PPP1R10: variants seen among roughly 807,000 people sequenced by gnomAD.
PPP1R10 encodes the protein serine/threonine-protein phosphatase 1 regulatory subunit 10.
In PPP1R10, 15 loss-of-function variants were observed where a neutral mutation model predicts 99.0. That is an observed-to-expected ratio of 0.15 (90% CI 0.10 to 0.23). The LOEUF is 0.23. PPP1R10 is among the 10% of genes least tolerant of loss of function. The pLI, the probability that PPP1R10 is intolerant of heterozygous loss-of-function variation, is 1.00. For synonymous variants in PPP1R10, 430 were observed against 449.5 expected (o/e 0.96, Z 0.55); for missense variants, 947 against 1,259.4 (o/e 0.75, Z 3.75).
chr6:30,606,257 C>A lies in PPP1R10; in HGVS notation c.635-14G>T, dbSNP rs1000765872. 2 of 1,612,756 alleles carry A rather than the reference C, an allele frequency of 1.2e-6. No homozygotes were observed. The highest frequency in any genetic ancestry group is 2.7e-5 in the African/African-American group (2 of 74,898). Reference sequence around the variant, plus strand: ...CCAGCTCTAGTCCTGGGGAAAGAAGCACGGTGTGGGCAGCTGAACTCAAAC... The same window carrying A: ...CCAGCTCTAGTCCTGGGGAAAGAAGAACGGTGTGGGCAGCTGAACTCAAAC... On this transcript the variant is annotated splice_polypyrimidine_tract_variant and intron_variant, in intron 8 of 19. Coordinates refer to ENST00000376511, the MANE Select transcript of PPP1R10 (RefSeq NM_002714.4). The surrounding 1 kb of genome is among the most constrained non-coding windows in gnomAD (Gnocchi z 6.3).
In PPP1R10 at chr6:30,601,444, T is replaced by C. The variant is rs369182442; in HGVS notation, c.*105A>G. ...GGGAACTGAGGGGGCCGGCTCCTCA[T>C]CAGCTGGGGAAAAGGGAAAATGGGC... On this transcript the variant is annotated 3_prime_UTR_variant, in exon 20 of 20. Transcript: ENST00000376511. The C allele has an allele frequency of 3.1e-6, 3 of 964,796 alleles. No homozygotes were observed. Among genetic ancestry groups the C allele is most frequent in the Admixed American group, 2.4e-5 (1 of 41,932 alleles). The allele number at this position is 964,796 out of a possible 1,614,324, so 59.8% of individuals were successfully genotyped here.
At position 30,604,447 on chromosome 6, in the gene PPP1R10, C is replaced by T; in HGVS notation, c.1167G>A (p.Leu389=). Residue 389 remains leucine (L), a synonymous_variant, in exon 13 of 20, where the codon CTG becomes CTA. Transcript: ENST00000376511. The surrounding 1 kb of genome is among the most constrained non-coding windows in gnomAD (Gnocchi z 7.3). ...TTTTCCTCTTCCTGCCTTTCCGGGT[C>T]AGTTGGTTAGGATCTCCAGGACTCT... The part of the protein sequence containing the change: ...PVESPGDPNQ[L]TRKGRKRKSV... 6.2e-7 allele frequency: 1 copy of T among 1,613,218 alleles called. No homozygotes were observed. The highest frequency in any genetic ancestry group is 8.5e-7 in the Non-Finnish European group (1 of 1,180,028).
At chr6:30,612,491 A>G (rs1804658540) in intron 2 of PPP1R10, among the ~76,000 whole-genome samples, 1 of 152,216 alleles carries the variant, frequency 6.6e-6, no homozygotes, top group Non-Finnish European at 1.5e-5. Context: ...CCACATGTAT[A>G]AACAAGAATA....
chr6:30,614,056 G>T lies in PPP1R10; in HGVS notation c.-12+2422C>A, dbSNP rs111970988. Among the ~76,000 whole-genome samples, 115 of 152,138 alleles carry T rather than the reference G, an allele frequency of 7.6e-4. 2 individuals carry two copies. Among genetic ancestry groups the T allele is most frequent in the African/African-American group, 2.3e-3 (97 of 41,480 alleles). ...CTAGAACCTCCACGCTTCAGTGCAG[G>T]ACTTTTAAAAATTAAAATTATATGG... On this transcript the variant is annotated intron_variant, in intron 2 of 19. Transcript: ENST00000376511.
chr6:30,609,202 G>A lies in PPP1R10; in HGVS notation c.108-39C>T, dbSNP rs1804293901. On this transcript the variant is annotated intron_variant, in intron 3 of 19. Coordinates refer to ENST00000376511, the MANE Select transcript of PPP1R10 (RefSeq NM_002714.4). The surrounding 1 kb of genome is among the most constrained non-coding windows in gnomAD (Gnocchi z 4.5). ...GTTAGGGTTAGAAATGAAGCAGCCA[G>A]TATCTCTTCTCTTAGCAAAAGCGCC... The A allele has an allele frequency of 1.3e-6, 2 of 1,595,524 alleles. No individual in the cohort carries two copies. The highest frequency in any genetic ancestry group is 1.7e-6 in the Non-Finnish European group (2 of 1,164,310).
Position 30,604,939 on chromosome 6 carries a change from C to T in PPP1R10, c.954+55G>A. 6.3e-7 allele frequency: 1 copy of T among 1,582,206 alleles called. No individual in the cohort carries two copies. Among genetic ancestry groups the T allele is most frequent in the Non-Finnish European group, 8.7e-7 (1 of 1,152,438 alleles). ...ACAACTCCTAGCTGCTGTGCCCTTT[C>T]TTCTACTTTACCTTTTATACTCTGT... On this transcript the variant is annotated intron_variant, in intron 11 of 19. Transcript: ENST00000376511. The surrounding 1 kb of genome is among the most constrained non-coding windows in gnomAD (Gnocchi z 7.3).
chr6:30,607,607 C>G (rs960191299), intron 6 of PPP1R10, among the ~76,000 whole-genome samples: 3 of 152,070 alleles, frequency 2.0e-5, no homozygotes, highest in Non-Finnish European at 4.4e-5. Flanking sequence ...GAATCAGCTT[C>G]CAGTTAAAGT....
At chr6:30,610,040 C>A in intron 2 of PPP1R10, 85 bp from the exon 3 acceptor site, 1 of 826,012 alleles carries the variant, frequency 1.2e-6, no homozygotes, top group Middle Eastern at 2.3e-4. Flanking sequence ...TAAACCACAT[C>A]TCTATATTTG....
rs1341711543 is a variant in PPP1R10 at position 30,609,790 on chromosome 6, C to T, written c.107+48G>A. ...CCTCAACTGCAGCCATGTTTTAACACACAATATTCTCTACTCACAGTGAAT... is the reference window on the plus strand; with the variant it reads ...CCTCAACTGCAGCCATGTTTTAACATACAATATTCTCTACTCACAGTGAAT... On this transcript the variant is annotated intron_variant, in intron 3 of 19. Coordinates refer to ENST00000376511, the MANE Select transcript of PPP1R10 (RefSeq NM_002714.4). This position sits in a 1 kb window ranked among gnomAD's most constrained non-coding sequence, Gnocchi z 4.5. 1 of 1,506,382 alleles carries T rather than the reference C, an allele frequency of 6.6e-7. No homozygotes were observed. Among genetic ancestry groups the T allele is most frequent in the Non-Finnish European group, 9.2e-7 (1 of 1,081,802 alleles). The allele number at this position is 1,506,382 out of a possible 1,614,324, so 93.3% of individuals were successfully genotyped here.
chr6:30,603,345 A>T, intron 16 of PPP1R10, 60 bp from the exon 17 acceptor site: 1 of 1,580,322 alleles, frequency 6.3e-7, no homozygotes, highest in Admixed American at 1.7e-5. Context: ...ATGGCGAAAG[A>T]TAGCGCCAAA....
At chr6:30,613,939 TTAAG>T (rs1287095188) in intron 2 of PPP1R10, among the ~76,000 whole-genome samples, 7 of 152,154 alleles carry the variant, frequency 4.6e-5, no homozygotes, top group Non-Finnish European at 1.0e-4. Flanking sequence ...ATCCAGAAGC[TTAAG>T]TAATAATTTG....
rs770785535 is a variant in PPP1R10 at position 30,602,905 on chromosome 6, C to A, written c.1898G>T (p.Gly633Val). The stretch of plus-strand genomic sequence containing the variant: ...CTGCATGCCCTTGGGGCCCCCAGGA[C>A]CCCCTGGTGGGAAACCATTGGCTAT... ...GPIANGFPPG[G>V]PGGPKGMQHF... Residue 633 changes from glycine to valine, a missense_variant, in exon 18 of 20, where the codon GGT (glycine) becomes GTT (valine). By Grantham distance (109) the Gly-to-Val change is moderately radical. Transcript: ENST00000376511. The surrounding 1 kb of genome is among the most constrained non-coding windows in gnomAD (Gnocchi z 6.7). The A allele has an allele frequency of 6.5e-7, 1 of 1,532,560 alleles. No homozygotes were observed. Among genetic ancestry groups the A allele is most frequent in the Admixed American group, 2.0e-5 (1 of 50,662 alleles). The allele number at this position is 1,532,560 out of a possible 1,614,324, so 94.9% of individuals were successfully genotyped here.
intron 2 of PPP1R10, among the ~76,000 whole-genome samples, chr6:30,612,494 CAAGAAT>C (rs1455469319): frequency 6.6e-6 from 1 of 152,020 alleles, no homozygotes; most frequent in Non-Finnish European, 1.5e-5. Context: ...CATGTATAAA[CAAGAAT>C]AAAAGACATT....
intron 2 of PPP1R10, among the ~76,000 whole-genome samples, chr6:30,615,229 TAAAAAAA>T (rs5875265): frequency 2.7e-5 from 3 of 109,762 alleles, no homozygotes; most frequent in Non-Finnish European, 4.0e-5. Context: ...ACCTTTTTAG[TAAAAAAA>T]AAAAAAAAAA....
At chr6:30,614,495 A>G (rs1804880030) in intron 2 of PPP1R10, 1 of 152,160 alleles carries the variant, frequency 6.6e-6, no homozygotes, top group Admixed American at 6.5e-5. Context: ...GTTTATCCCC[A>G]AACTGAGAGG....
Position 30,604,749 on chromosome 6 carries a change from A to G in PPP1R10, c.955-14T>C. 1 of 1,612,942 alleles carries G rather than the reference A, an allele frequency of 6.2e-7. No individual in the cohort carries two copies. The highest frequency in any genetic ancestry group is 8.5e-7 in the Non-Finnish European group (1 of 1,180,004). ...AAAGGGGCTTGGCTATTGTGAAAGA[A>G]AAGGAAGTTAATGAACTGACTGGAA... On this transcript the variant is annotated splice_polypyrimidine_tract_variant and intron_variant, in intron 11 of 19. Coordinates refer to ENST00000376511, the MANE Select transcript of PPP1R10 (RefSeq NM_002714.4). This position sits in a 1 kb window ranked among gnomAD's most constrained non-coding sequence, Gnocchi z 7.3.
At chr6:30,601,907 G>C in intron 19 of PPP1R10, 29 bp downstream of exon 19, 1 of 1,482,388 alleles carries the variant, frequency 6.7e-7, no homozygotes, top group Admixed American at 2.5e-5. Flanking sequence ...ACAACCAAAA[G>C]GCATATGGGG....
rs377213384 is a variant in PPP1R10, at chr6:30,604,913, G to C, written c.954+81C>G. 1.2e-5 allele frequency: 19 copies of C among 1,533,560 alleles called. No homozygotes were observed. Among genetic ancestry groups the C allele is most frequent in the Non-Finnish European group, 1.6e-5 (18 of 1,109,334 alleles). 95.0% of individuals were successfully genotyped at this position (1,533,560 alleles called of 1,614,324 possible). A position where few individuals can be genotyped will look rare whatever the true frequency, so the allele number is the denominator to read the frequency against. On this transcript the variant is annotated intron_variant, in intron 11 of 19. Transcript: ENST00000376511. The surrounding 1 kb of genome is among the most constrained non-coding windows in gnomAD (Gnocchi z 7.3). ...CAAAACGCCTCTTGTTGTCCTCCCC[G>C]ACAACTCCTAGCTGCTGTGCCCTTT...
chr6:30,606,840 G>C lies in PPP1R10; in HGVS notation c.399C>G (p.Ala133=). The change falls in exon 7 of 20, where the codon GCC becomes GCG. Residue 133 remains alanine, a synonymous_variant. Coordinates refer to ENST00000376511, the MANE Select transcript of PPP1R10 (RefSeq NM_002714.4). The surrounding 1 kb of genome is among the most constrained non-coding windows in gnomAD (Gnocchi z 6.3). ...CCATCCAGTCGCTGACAAGGACTGA[G>C]GCCAATTTCCGGAGCTCTGCAGGTG... ...SSEDEELRKL[A]SVLVSDWMAV... is the part of the protein sequence containing the mutation. The C allele has an allele frequency of 5.0e-6, 8 of 1,613,886 alleles. No individual in the cohort carries two copies. Among genetic ancestry groups the C allele is most frequent in the Non-Finnish European group, 6.8e-6 (8 of 1,179,894 alleles).
Sources: gnomAD v4.1 joint callset for allele counts (sites outside exome capture counted in the v4.1 genomes callset) on GRCh38, gnomAD v4.1.1 for gene constraint, Gnocchi (gnomAD v3.1) non-coding constraint, MANE v1.5 for transcripts, NCBI Gene and HGNC (gene_info 2026-07-23, HGNC 2026-07-21) for gene names.